UHMK1: variants seen among roughly 807,000 people sequenced by gnomAD.
UHMK1 encodes the protein U2AF homology motif kinase 1.
In UHMK1, 18 loss-of-function variants were observed where a neutral mutation model predicts 44.0. That is an observed-to-expected ratio of 0.41 (90% CI 0.28 to 0.61). The LOEUF (loss-of-function observed/expected upper bound fraction) is 0.61, where lower values mean the gene tolerates loss of function less well. Among genes scored for constraint, UHMK1 ranks in the 20% least tolerant of loss-of-function variants. The pLI is 0.31. For synonymous variants in UHMK1, 231 were observed against 198.5 expected (o/e 1.16, Z -1.38); for missense variants, 463 against 522.5 (o/e 0.89, Z 1.11).
intron 4 of UHMK1, among the ~76,000 whole-genome samples, chr1:162,505,593 G>T (rs957450773): frequency 6.6e-6 from 1 of 152,172 alleles, no homozygotes; most frequent in African/African-American, 2.4e-5. Context: ...GTCGCTAGGC[G>T]ATAGGAATTT....
chr1:162,519,641 A>T (rs1249041868), intron 7 of UHMK1, among the ~76,000 whole-genome samples: 1 of 152,210 alleles, frequency 6.6e-6, no homozygotes, highest in Non-Finnish European at 1.5e-5. Context: ...TATGACAAAG[A>T]ATGTAAGAAG....
intron 3 of UHMK1, among the ~76,000 whole-genome samples, chr1:162,501,342 G>C (rs2101669473): frequency 6.6e-6 from 1 of 152,158 alleles, no homozygotes; most frequent in African/African-American, 2.4e-5. Context: ...GCTAATTTTT[G>C]TATTTTTAGT....
At chr1:162,497,191 A>G, upstream of UHMK1, 2 of 681,520 alleles carry the variant, frequency 2.9e-6, no homozygotes, top group Admixed American at 4.3e-5. Flanking sequence ...TGTGGAGACC[A>G]AAGTTTTGTC....
At chr1:162,499,672 G>A (rs1034048225) in intron 1 of UHMK1, among the ~76,000 whole-genome samples, 1 of 152,000 alleles carries the variant, frequency 6.6e-6, no homozygotes, top group Non-Finnish European at 1.5e-5. Flanking sequence ...CTCCAAGTTC[G>A]TGTTCATCAC....
intron 6 of UHMK1, among the ~76,000 whole-genome samples, chr1:162,516,950 T>C (rs6427677): frequency 0.46 from 69,578 of 152,086 alleles, 15,982 homozygotes; most frequent in East Asian, 0.48. Flanking sequence ...GGAAAAATTA[T>C]AAATTTATGT....
At chr1:162,506,985 T>G (rs1651492314) in intron 4 of UHMK1, among the ~76,000 whole-genome samples, 1 of 152,246 alleles carries the variant, frequency 6.6e-6, no homozygotes, top group Admixed American at 6.5e-5. Flanking sequence ...GGGTCAATAT[T>G]CTCAGAAATA....
Position 162,521,849 on chromosome 1 carries a change from G to A in UHMK1, c.1114-555G>A, listed in dbSNP as rs147177610. On this transcript the variant is annotated intron_variant, in intron 7 of 7. Coordinates refer to ENST00000489294, the MANE Select transcript of UHMK1 (RefSeq NM_175866.5). ...TCACCGTGTTCGTCAGGCTGATCTC[G>A]AATTCCCGACCTCGTGATCCACCTG... Among the ~76,000 whole-genome samples the A allele has an allele frequency of 5.3e-5, 8 of 152,264 alleles. No homozygotes were observed. The East Asian group carries it at 5.8e-4, about 11-fold the overall frequency.
intron 7 of UHMK1, among the ~76,000 whole-genome samples, chr1:162,522,146 G>A (rs570355230): frequency 6.6e-6 from 1 of 152,302 alleles, no homozygotes. Context: ...GTCCTTGAGA[G>A]ATTTTTCAAA....
rs1349201893 is a variant in UHMK1, at chr1:162,529,076, C to A, written c.*6526C>A. On this transcript the variant is annotated 3_prime_UTR_variant, in exon 8 of 8. Coordinates refer to ENST00000489294, the MANE Select transcript of UHMK1 (RefSeq NM_175866.5). ...AGATCACTTAAACCAAAGCCAGTTA[C>A]AAGGAGTAATCTCTCCTGTTGGTTT... 7 of 152,208 alleles carry A rather than the reference C, an allele frequency of 4.6e-5. No individual in the cohort carries two copies. In the East Asian group the frequency reaches 1.2e-3, roughly 25 times the overall value. The allele number at this position is 152,208 out of a possible 1,614,324, so 9.4% of individuals were successfully genotyped here.
At chr1:162,516,793 G>T (rs1651851134) in intron 6 of UHMK1, among the ~76,000 whole-genome samples, 1 of 152,140 alleles carries the variant, frequency 6.6e-6, no homozygotes, top group East Asian at 1.9e-4. Context: ...GCTAATTAGA[G>T]CCAAACTGCA....
At chr1:162,518,928 G>T (rs1205715204) in intron 7 of UHMK1, among the ~76,000 whole-genome samples, 1 of 151,448 alleles carries the variant, frequency 6.6e-6, no homozygotes, top group Non-Finnish European at 1.5e-5. Context: ...GGTGGAGGTT[G>T]TAGTGAGTGG....
intron 6 of UHMK1, among the ~76,000 whole-genome samples, chr1:162,516,741 G>A (rs1651849922): frequency 6.6e-6 from 1 of 152,112 alleles, no homozygotes; most frequent in African/African-American, 2.4e-5. Context: ...AAGTAGACAA[G>A]TATTTTACAC....
At chr1:162,511,500 C>T (rs1039131469) in intron 4 of UHMK1, among the ~76,000 whole-genome samples, 1 of 152,080 alleles carries the variant, frequency 6.6e-6, no homozygotes, top group African/African-American at 2.4e-5. Context: ...GTATATTACT[C>T]CCCTAGCAGA....
intron 4 of UHMK1, among the ~76,000 whole-genome samples, chr1:162,505,757 A>G (rs2101673531): frequency 6.6e-6 from 1 of 152,372 alleles, no homozygotes; most frequent in South Asian, 2.1e-4. Context: ...TTAGTATGCT[A>G]GAAAAGTATG....
intron 4 of UHMK1, among the ~76,000 whole-genome samples, chr1:162,511,386 C>T (rs758733586): frequency 6.6e-6 from 1 of 151,780 alleles, no homozygotes; most frequent in Non-Finnish European, 1.5e-5. Flanking sequence ...AGGCTGGTCT[C>T]GGACTCCTGG....
rs556388881 is a variant in UHMK1 at position 162,528,070 on chromosome 1, C to T, written c.*5520C>T. On this transcript the variant is annotated 3_prime_UTR_variant, in exon 8 of 8. Coordinates refer to ENST00000489294, the MANE Select transcript of UHMK1 (RefSeq NM_175866.5). ...TGCTTTCCCCTTCTAAGTTATCTTC[C>T]CTTAATAATATTTATGATACCAGGA... The T allele has an allele frequency of 2.0e-5, 3 of 151,902 alleles. No individual in the cohort carries two copies. Among genetic ancestry groups the T allele is most frequent in the Admixed American group, 2.0e-4 (3 of 15,260 alleles). 9.4% of individuals were successfully genotyped at this position (151,902 alleles called of 1,614,324 possible).
chr1:162,520,833 A>G (rs1652027403), intron 7 of UHMK1, among the ~76,000 whole-genome samples: 1 of 152,194 alleles, frequency 6.6e-6, no homozygotes. Flanking sequence ...GAAGATTTCG[A>G]ATGAAGGACT....
At position 162,512,765 on chromosome 1, in the gene UHMK1, G is replaced by A; in HGVS notation, c.966G>A (p.Val322=). 7 of 1,614,118 alleles carry A rather than the reference G, an allele frequency of 4.3e-6. No homozygotes were observed. The highest frequency in any genetic ancestry group is 5.9e-6 in the Non-Finnish European group (7 of 1,180,022). The change falls in exon 6 of 8, where the codon GTG becomes GTA. Residue 322 remains valine, a synonymous_variant. Coordinates refer to ENST00000489294, the MANE Select transcript of UHMK1 (RefSeq NM_175866.5). ...ATCTGGTCATGCTTCCCACTCCAGT[G>A]CTAAGACTGCTGAATGTGCTGGATG... ...IEDLVMLPTP[V]LRLLNVLDDD...
At chr1:162,497,698 C>A, upstream of UHMK1, 6 of 929,430 alleles carry the variant, frequency 6.5e-6, no homozygotes, top group Non-Finnish European at 8.5e-6. Context: ...ATTAAGGTTA[C>A]TTCTTATTCT....
Sources: allele counts gnomAD v4.1 joint callset (sites outside exome capture counted in the v4.1 genomes callset), GRCh38; gene constraint gnomAD v4.1.1; transcripts MANE v1.5; gene names NCBI Gene and HGNC (gene_info 2026-07-23, HGNC 2026-07-21).